Variants in USP3 observed in about 807,000 individuals in gnomAD.
The protein encoded by USP3 is ubiquitin specific peptidase 3, also known as ubiquitin carboxyl-terminal hydrolase 3.
USP3 carries 20 observed loss-of-function variants against 72.3 expected under a neutral mutation model. That is an observed-to-expected ratio of 0.28 (90% CI 0.19 to 0.40). The LOEUF (loss-of-function observed/expected upper bound fraction) is 0.40, where lower values mean the gene tolerates loss of function less well. Among genes scored for constraint, USP3 ranks in the 10% least tolerant of loss-of-function variants. USP3 has a pLI of 1.00. For synonymous variants in USP3, 222 were observed against 225.3 expected, an observed-to-expected ratio of 0.99 and a Z score of 0.13; for missense variants, 479 against 633.9, an observed-to-expected ratio of 0.76 and a Z score of 2.62.
chr15:63,517,504 C>T (rs2065867067), intron 1 of USP3, among the ~76,000 whole-genome samples: 1 of 152,170 alleles, frequency 6.6e-6, no homozygotes, highest in South Asian at 2.1e-4. Flanking sequence ...TTTCATATAA[C>T]AGTGAACTTT....
Position 63,588,216 on chromosome 15 carries a change from T to G in USP3, c.1097-89T>G. ...TCTAAGGTCGTATAGCTAATAAAGC[T>G]GAGATTTTAAACCTGGGTCTTTTTT... is the stretch of plus-strand genomic sequence containing the variant. On this transcript the variant is annotated intron_variant, in intron 11 of 14. Transcript: ENST00000380324. This position sits in a 1 kb window ranked among gnomAD's most constrained non-coding sequence, Gnocchi z 4.6. The G allele has an allele frequency of 6.9e-6, 7 of 1,009,348 alleles. No individual in the cohort carries two copies. The highest frequency in any genetic ancestry group is 1.0e-5 in the Non-Finnish European group (7 of 688,898). 62.5% of individuals were successfully genotyped at this position (1,009,348 alleles called of 1,614,324 possible).
intron 1 of USP3, among the ~76,000 whole-genome samples, chr15:63,514,032 G>T (rs1279245439): frequency 2.6e-5 from 4 of 152,196 alleles, no homozygotes; most frequent in African/African-American, 7.2e-5. Flanking sequence ...TATTAATAGT[G>T]AGATGCTTTA....
At chr15:63,508,382 T>A (rs1009735887) in intron 1 of USP3, among the ~76,000 whole-genome samples, 3 of 152,306 alleles carry the variant, frequency 2.0e-5, no homozygotes, top group Admixed American at 6.5e-5. Flanking sequence ...TGGGCTCTAG[T>A]AGTCCTTTGC....
intron 1 of USP3, among the ~76,000 whole-genome samples, chr15:63,527,406 T>G (rs764055162): frequency 1.3e-5 from 2 of 152,222 alleles, no homozygotes; most frequent in African/African-American, 2.4e-5. Context: ...GAAACAGCTG[T>G]GAATAATGGA....
At chr15:63,517,260 A>G (rs941575096) in intron 1 of USP3, among the ~76,000 whole-genome samples, 2 of 151,700 alleles carry the variant, frequency 1.3e-5, no homozygotes, top group African/African-American at 2.4e-5. Flanking sequence ...TGATCATTGT[A>G]TTTAAAAATT....
chr15:63,579,814 C>G (rs2152681173), intron 11 of USP3, among the ~76,000 whole-genome samples: 1 of 152,120 alleles, frequency 6.6e-6, no homozygotes, highest in Non-Finnish European at 1.5e-5. Flanking sequence ...TATAAATGAT[C>G]ATTATAACAT....
intron 1 of USP3, among the ~76,000 whole-genome samples, chr15:63,512,212 A>G (rs2065792990): frequency 6.6e-6 from 1 of 151,998 alleles, no homozygotes; most frequent in East Asian, 1.9e-4. Flanking sequence ...CTGGGATTAC[A>G]TGTGTGAGCC....
At chr15:63,549,932 T>C (rs1353124632) in intron 3 of USP3, among the ~76,000 whole-genome samples, 1 of 152,236 alleles carries the variant, frequency 6.6e-6, no homozygotes, top group African/African-American at 2.4e-5. Flanking sequence ...AATGTGGTCA[T>C]TAAATTCACT....
rs2152657534 is a variant in USP3, at chr15:63,529,795, C to CA, written c.92-2847dup. ...TCTTTTTCCTCGTACAAAGGAGGGA[C>CA]AAAAATCCTCCATAATTAAAAAAAT... On this transcript the variant is annotated intron_variant, in intron 1 of 14. Transcript: ENST00000380324. The surrounding 1 kb of genome is among the most constrained non-coding windows in gnomAD (Gnocchi z 4.2). Among the ~76,000 whole-genome samples, 1 of 152,226 alleles carries CA rather than the reference C, an allele frequency of 6.6e-6. No homozygotes were observed. The highest frequency in any genetic ancestry group is 1.5e-5 in the Non-Finnish European group (1 of 68,004).
intron 8 of USP3, among the ~76,000 whole-genome samples, chr15:63,568,291 G>T (rs1261442842): frequency 6.6e-6 from 1 of 150,734 alleles, no homozygotes; most frequent in Non-Finnish European, 1.5e-5. Flanking sequence ...GGAGTCGGAG[G>T]TTGCAGTGAG....
At position 63,574,425 on chromosome 15, in the gene USP3, A is replaced by G; in HGVS notation, c.1096+22A>G. 4.4e-6 allele frequency: 7 copies of G among 1,575,294 alleles called. No individual in the cohort carries two copies. The highest frequency in any genetic ancestry group is 6.0e-6 in the Non-Finnish European group (7 of 1,164,460). ...CGAGGTAAAGATACTTGAATGTTCT[A>G]AAAATTTTTTTCTTTAAATAATTGA... On this transcript the variant is annotated intron_variant, in intron 11 of 14. Coordinates refer to ENST00000380324, the MANE Select transcript of USP3 (RefSeq NM_006537.4). The surrounding 1 kb of genome is among the most constrained non-coding windows in gnomAD (Gnocchi z 4.6).
At chr15:63,516,420 A>G (rs2065851418) in intron 1 of USP3, among the ~76,000 whole-genome samples, 3 of 151,848 alleles carry the variant, frequency 2.0e-5, no homozygotes, top group Admixed American at 6.6e-5. Context: ...TTCTTGGTTT[A>G]TTTCATTGTT....
chr15:63,579,798 G>A (rs1449852588), intron 11 of USP3, among the ~76,000 whole-genome samples: 1 of 152,146 alleles, frequency 6.6e-6, no homozygotes, highest in Non-Finnish European at 1.5e-5. Context: ...GAGTACATGA[G>A]TAAGATATAA....
intron 1 of USP3, among the ~76,000 whole-genome samples, chr15:63,507,842 T>G (rs749877957): frequency 6.6e-6 from 1 of 152,178 alleles, no homozygotes; most frequent in Non-Finnish European, 1.5e-5. Flanking sequence ...TATTAGAAAT[T>G]AAAACTGAGA....
chr15:63,581,859 A>AT (rs1043377145), intron 11 of USP3, among the ~76,000 whole-genome samples: 28 of 149,426 alleles, frequency 1.9e-4, no homozygotes, highest in Non-Finnish European at 3.1e-4. Flanking sequence ...TGTTTTTTGT[A>AT]TTTTTTGTAG....
intron 1 of USP3, among the ~76,000 whole-genome samples, chr15:63,521,743 G>A (rs1468239831): frequency 6.6e-6 from 1 of 152,154 alleles, no homozygotes; most frequent in Non-Finnish European, 1.5e-5. Context: ...ATTCACAAGA[G>A]GTTCCTTCAT....
chr15:63,545,299 G>A (rs867203805), intron 3 of USP3, among the ~76,000 whole-genome samples: 3 of 152,106 alleles, frequency 2.0e-5, no homozygotes, highest in Middle Eastern at 3.2e-3. Context: ...AAAATCAGTT[G>A]TATATATCCT....
At chr15:63,581,345 TTGTGTGTGTGTGTGTG>T (rs59188081) in intron 11 of USP3, among the ~76,000 whole-genome samples, 66,178 of 129,946 alleles carry the variant, frequency 0.51, 17,396 homozygotes, top group Non-Finnish European at 0.59. Context: ...GTGTTGGTTT[TTGTGTGTGTGTGTGTG>T]TGTGTGTGTG....
In USP3 at chr15:63,590,829, C is replaced by T. The variant is rs946149158; in HGVS notation, c.*3C>T. 6.2e-7 allele frequency: 1 copy of T among 1,606,782 alleles called. No homozygotes were observed. The highest frequency in any genetic ancestry group is 1.7e-5 in the Admixed American group (1 of 58,606). ...AAGCTGGATCGGATAAACTTTAATA[C>T]CTCCTCCAAATCATCATTCACCAAC... On this transcript the variant is annotated 3_prime_UTR_variant, in exon 15 of 15. Transcript: ENST00000380324.
Sources: allele counts gnomAD v4.1 joint callset (sites outside exome capture counted in the v4.1 genomes callset), GRCh38; gene constraint gnomAD v4.1.1; non-coding constraint Gnocchi (gnomAD v3.1); transcripts MANE v1.5; gene names NCBI Gene and HGNC (gene_info 2026-07-23, HGNC 2026-07-21).